Variants in ALDH7A1 observed in about 807,000 individuals in gnomAD.
ALDH7A1 encodes alpha-aminoadipic semialdehyde dehydrogenase.
A neutral mutation model predicts 79.9 loss-of-function variants in ALDH7A1; 63 were observed. The observed-to-expected ratio is 0.79, with a 90% CI of 0.64 to 0.97. The LOEUF (loss-of-function observed/expected upper bound fraction) is 0.97. Among genes scored for constraint, ALDH7A1 ranks in the 50% least tolerant of loss-of-function variants. The pLI is 0.00. For missense variants in ALDH7A1, 627 were observed against 665.2 expected (o/e 0.94, Z 0.63); for synonymous variants, 240 against 231.2 (o/e 1.04, Z -0.34).
chr5:126,561,719 C>T (rs4626335), intron 9 of ALDH7A1: 86,260 of 151,982 alleles, frequency 0.57, 24,613 homozygotes, highest in Middle Eastern at 0.64. Context: ...TCTGACATTA[C>T]TCAAGAAAAA....
chr5:126,550,220 A>C lies in ALDH7A1; in HGVS notation c.1391T>G (p.Leu464Arg). 6.2e-7 allele frequency: 1 copy of C among 1,613,174 alleles called. No homozygotes were observed. The highest frequency in any genetic ancestry group is 8.5e-7 in the Non-Finnish European group (1 of 1,179,896). Residue 464 changes from leucine (L) to arginine (R), a missense_variant, in exon 15 of 18, where the codon CTG becomes CGG. Coordinates refer to ENST00000409134, the MANE Select transcript of ALDH7A1 (RefSeq NM_001182.5). Reference protein sequence around the residue: ...GLSSSIFTKDLGRIFRWLGPK... With the variant: ...GLSSSIFTKDRGRIFRWLGPK... ...CCCAAGCCAGCGAAAGATTCTGCCC[A>C]GATCTTTGGTAAAGATGCTACTTGA... is the stretch of plus-strand genomic sequence containing the variant.
In ALDH7A1 at chr5:126,542,307, A is replaced by G. The variant is rs1749630729; in HGVS notation, c.*2658T>C. ...TGGTCTGAAAGTGCCAGGGAAGAGA[A>G]GAGGAAGGACACAGAGCCCTCTTGG... On this transcript the variant is annotated 3_prime_UTR_variant, in exon 18 of 18. Coordinates refer to ENST00000409134, the MANE Select transcript of ALDH7A1 (RefSeq NM_001182.5). The G allele has an allele frequency of 1.3e-5, 2 of 152,218 alleles. No homozygotes were observed. The highest frequency in any genetic ancestry group is 4.1e-4 in the South Asian group (2 of 4,834). The allele number at this position is 152,218 out of a possible 1,614,324, so 9.4% of individuals were successfully genotyped here.
At position 126,582,874 on chromosome 5, in the gene ALDH7A1, C is replaced by A. The variant is rs375491094; in HGVS notation, c.494G>T (p.Gly165Val). Residue 165 changes from glycine (G) to valine (V), a missense_variant, in exon 5 of 18, where the codon GGA becomes GTA. By Grantham distance (109) the Gly-to-Val change is moderately radical (BLOSUM62 -3). Transcript: ENST00000409134. ...ACTTTCAGAAGGCAAGATAGGTCCT[C>A]CAATCATCCTTGATAAACCAACAGC... ...DYAVGLSRMIGGPILPSERSG... is the reference protein window; with the variant it reads ...DYAVGLSRMIVGPILPSERSG... The A allele has an allele frequency of 4.3e-6, 7 of 1,612,618 alleles. No homozygotes were observed. In the African/African-American group the frequency reaches 9.4e-5, roughly 22 times the overall value.
At chr5:126,546,433 A>C in intron 16 of ALDH7A1, 34 bp from the exon 17 acceptor site, 1 of 1,601,198 alleles carries the variant, frequency 6.2e-7, no homozygotes, top group Non-Finnish European at 8.6e-7. Flanking sequence ...ATATCTTCTG[A>C]GCAGTTTCCA....
At chr5:126,556,763 C>T (rs929906388) in intron 11 of ALDH7A1, among the ~76,000 whole-genome samples, 2 of 152,162 alleles carry the variant, frequency 1.3e-5, no homozygotes, top group African/African-American at 2.4e-5. Context: ...ACAACCCTTG[C>T]ATTCTCTGGG....
intron 6 of ALDH7A1, among the ~76,000 whole-genome samples, chr5:126,576,500 G>A (rs1177348934): frequency 1.3e-5 from 2 of 152,078 alleles, no homozygotes; most frequent in Non-Finnish European, 2.9e-5. Flanking sequence ...GAACACAAAA[G>A]TAAAAAACAA....
At chr5:126,557,945 A>C (rs1238101514) in intron 11 of ALDH7A1, among the ~76,000 whole-genome samples, 1 of 151,898 alleles carries the variant, frequency 6.6e-6, no homozygotes, top group Non-Finnish European at 1.5e-5. Flanking sequence ...AGGTAGGTGG[A>C]TCAGCTGAGG....
At chr5:126,594,559 C>T (rs898992706) in intron 1 of ALDH7A1, 3 of 291,166 alleles carry the variant, frequency 1.0e-5, no homozygotes, top group Non-Finnish European at 2.0e-5. Context: ...ATTCTCCTGC[C>T]TCAGCCTCCC....
rs751898560 is a variant in ALDH7A1 at position 126,552,094 on chromosome 5, G to C, written c.1244C>G (p.Thr415Arg). ...AATGGACGCATCGTGGCCAAGACCT[G>C]TCACAATTGTCGGTTCTACATAATT... ...PGNYVEPTIV[T>R]GLGHDASIAH... Residue 415 changes from threonine (T) to arginine (R), a missense_variant, in exon 14 of 18, where the codon ACA becomes AGA. Transcript: ENST00000409134. 6.2e-7 allele frequency: 1 copy of C among 1,614,040 alleles called. No individual in the cohort carries two copies. The highest frequency in any genetic ancestry group is 8.5e-7 in the Non-Finnish European group (1 of 1,179,990).
chr5:126,546,698 G>A (rs1440271381), intron 16 of ALDH7A1, among the ~76,000 whole-genome samples: 1 of 151,152 alleles, frequency 6.6e-6, no homozygotes, highest in Non-Finnish European at 1.5e-5. Flanking sequence ...GTGCATGCCT[G>A]TAACCCCACC....
rs372488916 is a variant in ALDH7A1, at chr5:126,549,957, T to C, written c.1461A>G (p.Thr487=). Reference sequence around the variant, plus strand: ...AGGCACCTCCAATCTCAGCCCCACTTGTTGGAATGTTGACATTTACAATGC... The same window carrying C: ...AGGCACCTCCAATCTCAGCCCCACTCGTTGGAATGTTGACATTTACAATGC... ...DCGIVNVNIP[T]SGAEIGGAFG... The change falls in exon 16 of 18, where the codon ACA becomes ACG. Residue 487 remains threonine (T), a synonymous_variant. Transcript: ENST00000409134. The C allele has an allele frequency of 4.2e-5, 67 of 1,614,044 alleles. No individual in the cohort carries two copies. The highest frequency in any genetic ancestry group is 5.5e-5 in the Non-Finnish European group (65 of 1,180,032).
At chr5:126,583,596 G>C in intron 4 of ALDH7A1, among the ~76,000 whole-genome samples, 1 of 151,730 alleles carries the variant, frequency 6.6e-6, no homozygotes, top group South Asian at 2.1e-4. Flanking sequence ...AGCACTTTGA[G>C]AGGCCGAGGC....
intron 5 of ALDH7A1, 21 bp from the exon 6 acceptor site, chr5:126,577,232 G>A (rs771374505): frequency 1.2e-5 from 20 of 1,613,770 alleles, no homozygotes; most frequent in Middle Eastern, 3.3e-4. Flanking sequence ...AAAAAGGATG[G>A]AACATGCAGA....
chr5:126,564,469 A>T (rs1750504163), intron 9 of ALDH7A1: 1 of 1,133,134 alleles, frequency 8.8e-7, no homozygotes, highest in Non-Finnish European at 1.1e-6. Context: ...TTTATTACTG[A>T]TCTTTTGATC....
intron 7 of ALDH7A1, 150 bp from the exon 8 acceptor site, chr5:126,571,009 A>C: frequency 2.7e-6 from 2 of 732,718 alleles, no homozygotes; most frequent in South Asian, 3.0e-5. Context: ...CCCACTTTTC[A>C]ATTTCTAAGT....
chr5:126,582,109 G>C (rs1270652747), intron 5 of ALDH7A1: 1 of 398,482 alleles, frequency 2.5e-6, no homozygotes, highest in African/African-American at 2.1e-5. Flanking sequence ...GATCACTTGA[G>C]GAGAGAAGTT....
At chr5:126,582,270 T>G in intron 5 of ALDH7A1, 1 of 395,274 alleles carries the variant, frequency 2.5e-6, no homozygotes, top group Non-Finnish European at 4.4e-6. Context: ...TATTGCTTTC[T>G]TATTTTCTGA....
At chr5:126,590,299 G>A (rs1751511924) in intron 3 of ALDH7A1, among the ~76,000 whole-genome samples, 1 of 152,266 alleles carries the variant, frequency 6.6e-6, no homozygotes, top group Admixed American at 6.5e-5. Flanking sequence ...CAAGTGTGAA[G>A]TGACAGCCTT....
intron 13 of ALDH7A1, 49 bp from the exon 14 acceptor site, chr5:126,552,186 G>A: frequency 6.9e-7 from 1 of 1,459,364 alleles, no homozygotes; most frequent in South Asian, 1.1e-5. Context: ...TTGTTTTCTA[G>A]GACTTGGGGT....
Sources: allele counts gnomAD v4.1 joint callset (sites outside exome capture counted in the v4.1 genomes callset), GRCh38; gene constraint gnomAD v4.1.1; transcripts MANE v1.5; gene names NCBI Gene and HGNC (gene_info 2026-07-23, HGNC 2026-07-21).